Variants in ETFA observed in about 807,000 individuals in gnomAD.
ETFA encodes the protein electron transfer flavoprotein subunit alpha, mitochondrial.
Under a neutral mutation model 46.2 loss-of-function variants are expected in ETFA, and 22 were observed. The ratio of observed to expected loss-of-function variants is 0.48; its 90% CI spans 0.34 to 0.68. The LOEUF (loss-of-function observed/expected upper bound fraction) is 0.68. Ranked by LOEUF, ETFA falls within the 30% of genes least tolerant of loss-of-function variation. The probability of loss-of-function intolerance (pLI) is 0.01; values close to 1 mark genes in which losing one functional copy is unlikely to be tolerated. For missense variants in ETFA, 345 were observed against 401.1 expected (o/e 0.86, Z 1.19); for synonymous variants, 131 against 139.9 (o/e 0.94, Z 0.45).
At chr15:76,240,013 A>T (rs1411800273) in intron 9 of ETFA, among the ~76,000 whole-genome samples, 2 of 152,176 alleles carry the variant, frequency 1.3e-5, no homozygotes, top group Non-Finnish European at 2.9e-5. Flanking sequence ...AAGGAGACTG[A>T]CTCACAAAAG....
chr15:76,253,680 C>T (rs2247488), intron 9 of ETFA, among the ~76,000 whole-genome samples: 149,073 of 152,322 alleles, frequency 0.98, 73,025 homozygotes, highest in South Asian at 1. Context: ...ACAAAGGAGA[C>T]GTGGTTTAAT....
chr15:76,239,682 G>A (rs1266256310), intron 9 of ETFA, among the ~76,000 whole-genome samples: 1 of 151,428 alleles, frequency 6.6e-6, no homozygotes, highest in East Asian at 1.9e-4. Flanking sequence ...TGCTTTAGCT[G>A]AAGTCACCAG....
At chr15:76,227,542 T>C (rs949390719) in intron 10 of ETFA, among the ~76,000 whole-genome samples, 7 of 113,386 alleles carry the variant, frequency 6.2e-5, no homozygotes, top group Non-Finnish European at 1.1e-4. Context: ...AAAGCTATCA[T>C]TCAAATCATT....
At chr15:76,274,381 T>C in intron 9 of ETFA, 31 bp downstream of exon 9, 1 of 1,505,146 alleles carries the variant, frequency 6.6e-7, no homozygotes, top group Non-Finnish European at 9.2e-7. Context: ...CCCATAACAT[T>C]TTACACAGCA....
intron 9 of ETFA, among the ~76,000 whole-genome samples, chr15:76,235,431 C>G (rs1358373953): frequency 6.6e-6 from 1 of 152,156 alleles, no homozygotes; most frequent in East Asian, 1.9e-4. Context: ...TAACTTGAGA[C>G]ACCAGTACTT....
intron 9 of ETFA, among the ~76,000 whole-genome samples, chr15:76,253,630 G>A (rs1251508095): frequency 2.0e-5 from 3 of 152,130 alleles, no homozygotes; most frequent in African/African-American, 2.4e-5. Context: ...AAAATACTGC[G>A]TTCAGCTTTA....
chr15:76,291,446 G>GGA (rs1555459011), intron 4 of ETFA, among the ~76,000 whole-genome samples: 61 of 93,428 alleles, frequency 6.5e-4, no homozygotes, highest in African/African-American at 2.3e-3. Flanking sequence ...ACTCCATCTC[G>GGA]AAAAAAAAAA....
chr15:76,280,220 T>G (rs533081763), intron 8 of ETFA, among the ~76,000 whole-genome samples: 4 of 152,258 alleles, frequency 2.6e-5, no homozygotes, highest in South Asian at 4.2e-4. Flanking sequence ...TTAACTGACA[T>G]GTCTACTCAG....
intron 2 of ETFA, among the ~76,000 whole-genome samples, chr15:76,293,435 C>G (rs2039786688): frequency 6.6e-6 from 1 of 152,140 alleles, no homozygotes; most frequent in African/African-American, 2.4e-5. Flanking sequence ...TGAGTTCCTG[C>G]CCACATACAC....
chr15:76,311,298 G>A (rs1402659500), intron 1 of ETFA, 52 bp downstream of exon 1: 3 of 1,544,536 alleles, frequency 1.9e-6, no homozygotes, highest in East Asian at 2.4e-5. Flanking sequence ...CCATAGGGAC[G>A]GCGGGTTGAC....
chr15:76,227,975 C>T (rs893485075), intron 10 of ETFA: 1 of 455,890 alleles, frequency 2.2e-6, no homozygotes, highest in African/African-American at 2.0e-5. Context: ...ACGTGAGCCT[C>T]AAATCCAAAG....
intron 4 of ETFA, among the ~76,000 whole-genome samples, chr15:76,288,216 T>C (rs767932022): frequency 2.6e-5 from 4 of 152,196 alleles, no homozygotes; most frequent in Non-Finnish European, 4.4e-5. Flanking sequence ...CTATGAGATA[T>C]GAAATTTAAT....
At chr15:76,292,062 C>G (rs909390499) in intron 4 of ETFA, among the ~76,000 whole-genome samples, 3 of 152,082 alleles carry the variant, frequency 2.0e-5, no homozygotes, top group Admixed American at 6.5e-5. Flanking sequence ...TAAAATTTGG[C>G]TTTTCTAGAT....
chr15:76,243,678 A>G (rs2141475640), intron 9 of ETFA, among the ~76,000 whole-genome samples: 1 of 152,022 alleles, frequency 6.6e-6, no homozygotes, highest in South Asian at 2.1e-4. Flanking sequence ...ACACACCTGC[A>G]ATCCCAGCTA....
intron 5 of ETFA, among the ~76,000 whole-genome samples, chr15:76,287,371 T>C (rs2039713655): frequency 6.6e-6 from 1 of 152,008 alleles, no homozygotes; most frequent in Non-Finnish European, 1.5e-5. Flanking sequence ...TCTTATTATG[T>C]TGCCCAGGAT....
intron 1 of ETFA, among the ~76,000 whole-genome samples, chr15:76,305,542 C>G (rs2039931512): frequency 6.6e-6 from 1 of 152,124 alleles, no homozygotes; most frequent in African/African-American, 2.4e-5. Flanking sequence ...TTGCAAATAG[C>G]AAAATATGAA....
chr15:76,264,222 A>G (rs1018733538), intron 9 of ETFA, among the ~76,000 whole-genome samples: 14 of 152,238 alleles, frequency 9.2e-5, no homozygotes, highest in Non-Finnish European at 1.6e-4. Flanking sequence ...GGTTAATACC[A>G]TATGATTGGG....
At chr15:76,256,343 A>T (rs2141487720) in intron 9 of ETFA, among the ~76,000 whole-genome samples, 1 of 152,278 alleles carries the variant, frequency 6.6e-6, no homozygotes, top group South Asian at 2.1e-4. Context: ...CTGTGTGACA[A>T]ACTGTGAAGA....
At chr15:76,227,855 A>G in intron 10 of ETFA, 1 of 456,118 alleles carries the variant, frequency 2.2e-6, no homozygotes, top group Non-Finnish European at 4.4e-6. Context: ...TGTGCAGAAG[A>G]TGCCAGAATG....
Sources: gnomAD v4.1 joint callset for allele counts (sites outside exome capture counted in the v4.1 genomes callset) on GRCh38, gnomAD v4.1.1 for gene constraint, MANE v1.5 for transcripts, NCBI Gene and HGNC (gene_info 2026-07-23, HGNC 2026-07-21) for gene names.